HECW1: variants seen among roughly 807,000 people sequenced by gnomAD.
The protein encoded by HECW1 is E3 ubiquitin-protein ligase HECW1.
A neutral mutation model predicts 182.3 loss-of-function variants in HECW1; 61 were observed. The ratio of observed to expected loss-of-function variants is 0.33; its 90% CI spans 0.27 to 0.41. HECW1 has a LOEUF of 0.41. HECW1 is among the 10% of genes least tolerant of loss of function. HECW1 has a pLI of 1.00. For missense variants in HECW1, 1,739 were observed against 2,108.9 expected (o/e 0.82, Z 3.44); for synonymous variants, 859 against 832.6 (o/e 1.03, Z -0.55).
chr7:43,548,786 A>T (rs949136077), intron 26 of HECW1, among the ~76,000 whole-genome samples: 8 of 151,654 alleles, frequency 5.3e-5, no homozygotes, highest in Non-Finnish European at 8.8e-5. Context: ...TACTAAAAAT[A>T]AAAAAAAATT....
intron 26 of HECW1, among the ~76,000 whole-genome samples, chr7:43,543,518 C>T (rs945806687): frequency 2.0e-5 from 3 of 152,124 alleles, no homozygotes; most frequent in African/African-American, 7.2e-5. Context: ...GTGGCTCACG[C>T]CTGTAATCCC....
chr7:43,541,151 T>G lies in HECW1; in HGVS notation c.4020-12T>G, dbSNP rs920578559. The G allele has an allele frequency of 6.2e-7, 1 of 1,604,508 alleles. No individual in the cohort carries two copies. Among genetic ancestry groups the G allele is most frequent in the Non-Finnish European group, 8.5e-7 (1 of 1,171,352 alleles). ...TCCACTTACCGATTTCTCTGCCTTGTCTGTGTTCCAGGTTCAGGTTTAGCG... is the reference window on the plus strand; with the variant it reads ...TCCACTTACCGATTTCTCTGCCTTGGCTGTGTTCCAGGTTCAGGTTTAGCG... On this transcript the variant is annotated splice_polypyrimidine_tract_variant and intron_variant, in intron 24 of 29. Coordinates refer to ENST00000395891, the MANE Select transcript of HECW1 (RefSeq NM_015052.5).
chr7:43,271,202 G>A (rs778165748), intron 3 of HECW1, among the ~76,000 whole-genome samples: 3 of 152,302 alleles, frequency 2.0e-5, no homozygotes, highest in African/African-American at 4.8e-5. Flanking sequence ...AAGTGTGGAT[G>A]TATGTACATC....
At chr7:43,543,576 C>T (rs777465682) in intron 26 of HECW1, among the ~76,000 whole-genome samples, 11 of 152,004 alleles carry the variant, frequency 7.2e-5, no homozygotes, top group Non-Finnish European at 1.5e-4. Flanking sequence ...GTCAGGAGTT[C>T]GAGACCAGCC....
chr7:43,204,466 T>A (rs538337732), intron 2 of HECW1, among the ~76,000 whole-genome samples: 2 of 152,238 alleles, frequency 1.3e-5, no homozygotes, highest in Non-Finnish European at 2.9e-5. Flanking sequence ...AAAAATCTTA[T>A]GTTCATTTAT....
chr7:43,264,818 C>T (rs944509923), intron 3 of HECW1, among the ~76,000 whole-genome samples: 39 of 143,848 alleles, frequency 2.7e-4, no homozygotes, highest in Middle Eastern at 3.6e-3. Flanking sequence ...CACTCCAGCC[C>T]GGGCGACAGA....
At chr7:43,492,273 C>T in intron 18 of HECW1, 93 bp downstream of exon 18, 1 of 840,498 alleles carries the variant, frequency 1.2e-6, no homozygotes, top group East Asian at 2.6e-5. Flanking sequence ...GTCATGAACC[C>T]TTTACTATTC....
chr7:43,525,202 C>T (rs1283455387), intron 24 of HECW1, among the ~76,000 whole-genome samples: 1 of 152,074 alleles, frequency 6.6e-6, no homozygotes, highest in African/African-American at 2.4e-5. Context: ...ATGTGGTCAG[C>T]ATCATGGCTG....
intron 6 of HECW1, among the ~76,000 whole-genome samples, chr7:43,362,065 C>A (rs150111849): frequency 7.1e-6 from 1 of 140,262 alleles, no homozygotes; most frequent in African/African-American, 2.7e-5. Flanking sequence ...CACTTGAACC[C>A]AGGTGCAGTG....
At chr7:43,529,538 T>G (rs1319016535) in intron 24 of HECW1, among the ~76,000 whole-genome samples, 1 of 152,184 alleles carries the variant, frequency 6.6e-6, no homozygotes. Flanking sequence ...GCATCTTCCA[T>G]TTGACTGTCC....
intron 3 of HECW1, among the ~76,000 whole-genome samples, chr7:43,296,142 C>T (rs909399094): frequency 1.3e-5 from 2 of 152,108 alleles, no homozygotes; most frequent in Non-Finnish European, 2.9e-5. Context: ...AATTCTTCTA[C>T]TATAATAGTT....
chr7:43,495,860 G>A (rs1031719782), intron 19 of HECW1, among the ~76,000 whole-genome samples: 20 of 152,078 alleles, frequency 1.3e-4, no homozygotes, highest in Admixed American at 9.8e-4. Flanking sequence ...TTTTTGACGC[G>A]TGGTTGTTCT....
At chr7:43,478,274 G>T (rs927770744) in intron 16 of HECW1, among the ~76,000 whole-genome samples, 4 of 152,096 alleles carry the variant, frequency 2.6e-5, no homozygotes, top group Non-Finnish European at 5.9e-5. Flanking sequence ...AAATTAGCTG[G>T]GTGTGGGGGT....
intron 3 of HECW1, among the ~76,000 whole-genome samples, chr7:43,300,492 G>T (rs1034035238): frequency 6.6e-6 from 1 of 152,158 alleles, no homozygotes; most frequent in Non-Finnish European, 1.5e-5. Context: ...GTGGAAGAAG[G>T]GTGGAAGGAG....
At chr7:43,218,828 G>C (rs1178370543) in intron 2 of HECW1, among the ~76,000 whole-genome samples, 1 of 152,180 alleles carries the variant, frequency 6.6e-6, no homozygotes, top group Non-Finnish European at 1.5e-5. Flanking sequence ...ACGTGATTTA[G>C]ATAAAATGAC....
At chr7:43,526,560 A>G (rs1209345374) in intron 24 of HECW1, among the ~76,000 whole-genome samples, 1 of 152,236 alleles carries the variant, frequency 6.6e-6, no homozygotes, top group East Asian at 1.9e-4. Context: ...CAGGTAAGAA[A>G]GAGATAATAA....
At chr7:43,403,914 A>G (rs940972313) in intron 7 of HECW1, among the ~76,000 whole-genome samples, 2 of 152,214 alleles carry the variant, frequency 1.3e-5, no homozygotes, top group African/African-American at 4.8e-5. Context: ...TAATAAATGT[A>G]CATATGTCTA....
chr7:43,235,145 C>G (rs1798210220), intron 2 of HECW1, among the ~76,000 whole-genome samples: 1 of 152,170 alleles, frequency 6.6e-6, no homozygotes, highest in Admixed American at 6.5e-5. Context: ...CTGGCAGAGC[C>G]ATATCCAAGG....
chr7:43,556,489 C>T (rs374596746), intron 29 of HECW1, among the ~76,000 whole-genome samples: 1 of 152,108 alleles, frequency 6.6e-6, no homozygotes, highest in African/African-American at 2.4e-5. Context: ...GAGTTCAAGA[C>T]CAACCTGGGC....
Sources: allele counts gnomAD v4.1 joint callset (sites outside exome capture counted in the v4.1 genomes callset), GRCh38; gene constraint gnomAD v4.1.1; transcripts MANE v1.5; gene names NCBI Gene and HGNC (gene_info 2026-07-23, HGNC 2026-07-21).